Variants in TNKS observed in about 807,000 individuals in gnomAD.
The protein encoded by TNKS is tankyrase.
TNKS carries 72 observed loss-of-function variants against 135.8 expected under a neutral mutation model. The ratio of observed to expected loss-of-function variants is 0.53; its 90% CI spans 0.44 to 0.64. The LOEUF (loss-of-function observed/expected upper bound fraction) is 0.64, where lower values mean the gene tolerates loss of function less well. Among genes scored for constraint, TNKS ranks in the 30% least tolerant of loss-of-function variants. TNKS has a pLI of 0.00. For missense variants in TNKS, 1,769 were observed against 1,674.0 expected, an observed-to-expected ratio of 1.06 and a Z score of -0.99; for synonymous variants, 849 against 649.3, an observed-to-expected ratio of 1.31 and a Z score of -4.68.
intron 3 of TNKS, among the ~76,000 whole-genome samples, chr8:9,642,973 A>G (rs1190309654): frequency 6.8e-6 from 1 of 146,240 alleles, no homozygotes; most frequent in African/African-American, 2.5e-5. Flanking sequence ...TATTTTACCT[A>G]ATTTTTATAT....
In TNKS at chr8:9,771,485, GA is replaced by G. The variant is rs1282829602; in HGVS notation, c.3897+1226del. ...AGGGAGGGAGAGAAGAAGGAAGGGG[GA>G]AAGAGATAAAGGGAAGGAAAGAACG... On this transcript the variant is annotated intron_variant, in intron 26 of 26. Transcript: ENST00000310430. 4.3e-5 allele frequency among the ~76,000 whole-genome samples: 6 copies of G among 140,666 alleles called. No individual in the cohort carries two copies. The South Asian group carries it at 1.0e-3, about 24-fold the overall frequency. The allele number at this position is 140,666 out of a possible 152,430, so 92.3% of individuals were successfully genotyped here. A position where few individuals can be genotyped will look rare whatever the true frequency, so the allele number is the denominator to read the frequency against.
chr8:9,756,812 C>G (rs1585424041), intron 20 of TNKS, among the ~76,000 whole-genome samples: 1 of 152,174 alleles, frequency 6.6e-6, no homozygotes. Flanking sequence ...TTCATCCCTT[C>G]CATGCCATTT....
intron 20 of TNKS, among the ~76,000 whole-genome samples, 158 bp downstream of exon 20, chr8:9,752,784 C>T (rs1283720219): frequency 1.3e-5 from 2 of 151,692 alleles, no homozygotes; most frequent in Non-Finnish European, 2.9e-5. Flanking sequence ...GCGAGACCCC[C>T]ATCTCTACAA....
intron 8 of TNKS, among the ~76,000 whole-genome samples, chr8:9,707,214 G>C (rs1283872610): frequency 6.6e-6 from 1 of 152,044 alleles, no homozygotes; most frequent in Admixed American, 6.6e-5. Flanking sequence ...GTTTTAATTC[G>C]TATGTTGAAG....
chr8:9,660,139 G>C (rs1396144023), intron 3 of TNKS, among the ~76,000 whole-genome samples: 1 of 152,178 alleles, frequency 6.6e-6, no homozygotes, highest in Non-Finnish European at 1.5e-5. Context: ...TGGATTCACA[G>C]CCGAATTCTA....
intron 3 of TNKS, among the ~76,000 whole-genome samples, chr8:9,639,533 G>C (rs1485136931): frequency 7.0e-6 from 1 of 143,226 alleles, no homozygotes; most frequent in Non-Finnish European, 1.5e-5. Flanking sequence ...TTTTTTTTTG[G>C]CTTTCTGGTT....
chr8:9,565,962 A>G (rs1270207490), intron 1 of TNKS, among the ~76,000 whole-genome samples: 3 of 152,226 alleles, frequency 2.0e-5, no homozygotes, highest in Non-Finnish European at 2.9e-5. Context: ...ATAACTTATT[A>G]TATATGTCAA....
intron 2 of TNKS, among the ~76,000 whole-genome samples, chr8:9,589,500 C>A (rs757752378): frequency 6.6e-6 from 1 of 152,242 alleles, no homozygotes; most frequent in Non-Finnish European, 1.5e-5. Flanking sequence ...TCATTAGAAT[C>A]CTCCCTTAAA....
At chr8:9,764,940 T>A (rs1312945419) in intron 23 of TNKS, 150 bp downstream of exon 23, 4 of 530,264 alleles carry the variant, frequency 7.5e-6, no homozygotes, top group Non-Finnish European at 1.3e-5. Context: ...CTCTTCTCAC[T>A]ACAATATCTC....
intron 3 of TNKS, 93 bp downstream of exon 3, chr8:9,615,770 G>A (rs1799623075): frequency 2.7e-5 from 27 of 988,670 alleles, no homozygotes; most frequent in Non-Finnish European, 4.1e-5. Flanking sequence ...TCTTTTCACT[G>A]ATGAAGCTAA....
At chr8:9,608,059 G>T (rs541616023) in intron 2 of TNKS, among the ~76,000 whole-genome samples, 1 of 152,192 alleles carries the variant, frequency 6.6e-6, no homozygotes, top group South Asian at 2.1e-4. Flanking sequence ...TCCCACCTGA[G>T]CCCCACGAAT....
chr8:9,578,328 A>T (rs933672928), intron 1 of TNKS, among the ~76,000 whole-genome samples: 5 of 152,250 alleles, frequency 3.3e-5, no homozygotes, highest in African/African-American at 1.2e-4. Context: ...AGAATTAAAG[A>T]AAACCTAACA....
chr8:9,694,501 C>T (rs962567120), intron 5 of TNKS, among the ~76,000 whole-genome samples: 1 of 152,058 alleles, frequency 6.6e-6, no homozygotes, highest in Non-Finnish European at 1.5e-5. Flanking sequence ...GTGGCTCACA[C>T]CTGTAATCCC....
chr8:9,657,468 CG>C (rs1801444761), intron 3 of TNKS, among the ~76,000 whole-genome samples: 2 of 73,042 alleles, frequency 2.7e-5, no homozygotes, highest in Non-Finnish European at 6.0e-5. Flanking sequence ...GCTGGCCGGG[CG>C]GGGGGCTGAC....
intron 3 of TNKS, 181 bp from the exon 4 acceptor site, chr8:9,679,770 G>T (rs1012311684): frequency 2.0e-6 from 1 of 509,638 alleles, no homozygotes; most frequent in East Asian, 3.0e-5. Flanking sequence ...TTTGCTGCCC[G>T]TCTCCAAGGC....
intron 1 of TNKS, among the ~76,000 whole-genome samples, chr8:9,576,432 G>A (rs1438544095): frequency 6.6e-6 from 1 of 151,080 alleles, no homozygotes; most frequent in Non-Finnish European, 1.5e-5. Context: ...GCAGGAGAGA[G>A]ACAGCAGAAA....
At chr8:9,706,392 C>G (rs903923844) in intron 7 of TNKS, 139 bp downstream of exon 7, 4 of 654,552 alleles carry the variant, frequency 6.1e-6, no homozygotes, top group Non-Finnish European at 9.9e-6. Flanking sequence ...GAGACAGGGT[C>G]TTGCCCTGTC....
intron 1 of TNKS, among the ~76,000 whole-genome samples, chr8:9,562,815 C>T (rs965590583): frequency 3.4e-5 from 5 of 147,086 alleles, no homozygotes; most frequent in East Asian, 2.0e-4. Context: ...TTCCCTTAGC[C>T]TTTTTTTTTT....
chr8:9,583,077 G>C lies in TNKS; in HGVS notation c.898+2694G>C, dbSNP rs375707544. On this transcript the variant is annotated intron_variant, in intron 2 of 26. Coordinates refer to ENST00000310430, the MANE Select transcript of TNKS (RefSeq NM_003747.3). ...AGCTACTTAGGAGGCTGAGGCAGGA[G>C]AATGGCATGAACCCGGGAGGCGGAG... Among the ~76,000 whole-genome samples the C allele has an allele frequency of 2.2e-3, 326 of 149,876 alleles. 1 individual carries two copies. The highest frequency in any genetic ancestry group is 7.4e-3 in the African/African-American group (300 of 40,644).
Sources: gnomAD v4.1 joint callset for allele counts (sites outside exome capture counted in the v4.1 genomes callset) on GRCh38, gnomAD v4.1.1 for gene constraint, MANE v1.5 for transcripts, NCBI Gene and HGNC (gene_info 2026-07-23, HGNC 2026-07-21) for gene names.